RSRP1: variants seen among roughly 807,000 people sequenced by gnomAD.
The protein encoded by RSRP1 is arginine and serine rich protein 1, also known as arginine/serine-rich protein 1.
In RSRP1, 37 loss-of-function variants were observed where a neutral mutation model predicts 33.0. The observed-to-expected ratio is 1.12, with a 90% CI of 0.86 to 1.48. The LOEUF (loss-of-function observed/expected upper bound fraction) is 1.48, where lower values mean the gene tolerates loss of function less well. Ranked by LOEUF, RSRP1 falls within the 40% of genes most tolerant of loss-of-function variation. The probability of loss-of-function intolerance (pLI) is 0.00; values close to 1 mark genes in which losing one functional copy is unlikely to be tolerated. For missense variants in RSRP1, 402 were observed against 385.3 expected, an observed-to-expected ratio of 1.04 and a Z score of -0.36; for synonymous variants, 167 against 158.7, an observed-to-expected ratio of 1.05 and a Z score of -0.40.
rs148991516 is a variant in RSRP1 at position 25,314,047 on chromosome 1, A to G, written c.-67+23931T>C. On this transcript the variant is annotated intron_variant, in intron 1 of 1. Coordinates refer to the RSRP1 transcript ENST00000561867. Reference sequence around the variant, plus strand: ...ATATTCTAGTATTGCTCCTATGAACATTCTAGCACTTTTATTTTTGGAGCA... The same window carrying G: ...ATATTCTAGTATTGCTCCTATGAACGTTCTAGCACTTTTATTTTTGGAGCA... Among the ~76,000 whole-genome samples the G allele has an allele frequency of 2.0e-3, 264 of 133,184 alleles. 56 individuals are homozygous for G. In the Middle Eastern group the frequency reaches 0.024, roughly 12 times the overall value. 87.4% of individuals were successfully genotyped at this position (133,184 alleles called of 152,430 possible).
chr1:25,242,498 T>C lies in RSRP1; in HGVS notation c.*91A>G, dbSNP rs1557478611. ...TGGTTTTTAAATGCACAAGTACCCCTGAATGGCTCAAAGGGATGGGATAAT... is the reference window on the plus strand; with the variant it reads ...TGGTTTTTAAATGCACAAGTACCCCCGAATGGCTCAAAGGGATGGGATAAT... On this transcript the variant is annotated 3_prime_UTR_variant, in exon 5 of 5. Transcript: ENST00000243189. 1.3e-6 allele frequency: 1 copy of C among 761,434 alleles called. No individual in the cohort carries two copies. Among genetic ancestry groups the C allele is most frequent in the Non-Finnish European group, 2.2e-6 (1 of 452,096 alleles). 47.2% of individuals were successfully genotyped at this position (761,434 alleles called of 1,614,324 possible). A position where few individuals can be genotyped will look rare whatever the true frequency, so the allele number is the denominator to read the frequency against.
chr1:25,299,610 G>A (rs1242135876), intron 1 of RSRP1, among the ~76,000 whole-genome samples: 2 of 128,826 alleles, frequency 1.6e-5, no homozygotes, highest in Admixed American at 1.5e-4. Flanking sequence ...AAGTGGAGGA[G>A]GGCAATAGGA....
At chr1:25,272,623 C>T (rs1220075618) in intron 1 of RSRP1, 4 of 1,577,200 alleles carry the variant, frequency 2.5e-6, no homozygotes, top group Non-Finnish European at 3.5e-6. Flanking sequence ...AGCTCTCATT[C>T]TCCTCTTCTA....
chr1:25,244,366 G>A (rs1639169257), intron 3 of RSRP1: 3 of 1,288,966 alleles, frequency 2.3e-6, no homozygotes, highest in South Asian at 2.5e-5. Flanking sequence ...GCATGCACAT[G>A]GATCTACCAA....
intron 1 of RSRP1, among the ~76,000 whole-genome samples, chr1:25,298,877 G>C (rs1271559493): frequency 7.8e-6 from 1 of 128,684 alleles, no homozygotes; most frequent in Middle Eastern, 4.1e-3. Context: ...CGAAAAGTTG[G>C]GGAGAGAGGA....
chr1:25,260,570 T>C (rs146466432), intron 1 of RSRP1, among the ~76,000 whole-genome samples: 1,824 of 152,280 alleles, frequency 0.012, 35 homozygotes, highest in African/African-American at 0.042. Context: ...AATCCTTAAG[T>C]GTTGTATTAG....
rs1640442311 is a variant in RSRP1 at position 25,269,913 on chromosome 1, T to C, written c.-66-22884A>G. Among the ~76,000 whole-genome samples, 2 of 132,208 alleles carry C rather than the reference T, an allele frequency of 1.5e-5. 1 individual carries two copies. The highest frequency in any genetic ancestry group is 5.2e-5 in the African/African-American group (2 of 38,634). The allele number at this position is 132,208 out of a possible 152,430, so 86.7% of individuals were successfully genotyped here. A position where few individuals can be genotyped will look rare whatever the true frequency, so the allele number is the denominator to read the frequency against. ...GGAACCAACCACCACCCACGCCGTT[T>C]GCCAGCTGGTAAACATGCCCATCAG... On this transcript the variant is annotated intron_variant, in intron 1 of 1. Coordinates refer to the RSRP1 transcript ENST00000561867.
At position 25,330,774 on chromosome 1, in the gene RSRP1, T is replaced by A. The variant is rs1376226230; in HGVS notation, c.-67+7204A>T. Among the ~76,000 whole-genome samples the A allele has an allele frequency of 1.1e-4, 14 of 130,302 alleles. 2 individuals carry two copies. Among genetic ancestry groups the A allele is most frequent in the African/African-American group, 1.8e-4 (7 of 38,292 alleles). 85.5% of individuals were successfully genotyped at this position (130,302 alleles called of 152,430 possible). On this transcript the variant is annotated intron_variant, in intron 1 of 1. Coordinates refer to the RSRP1 transcript ENST00000561867. Reference sequence around the variant, plus strand: ...CATAACAGCAGCTTAAACTGTTGTTTAGCCACTCAGACTTAAACAACAGAA... The same window carrying A: ...CATAACAGCAGCTTAAACTGTTGTTAAGCCACTCAGACTTAAACAACAGAA...
chr1:25,334,824 TG>T (rs1645059460), intron 1 of RSRP1, among the ~76,000 whole-genome samples: 1 of 131,810 alleles, frequency 7.6e-6, no homozygotes, highest in Non-Finnish European at 1.8e-5. Flanking sequence ...TGGTTGGGAG[TG>T]GCTGGGATGC....
chr1:25,280,506 A>G lies in RSRP1; in HGVS notation c.-66-33477T>C, dbSNP rs1319340831. 1.3e-4 allele frequency among the ~76,000 whole-genome samples: 17 copies of G among 126,240 alleles called. 2 individuals are homozygous for G. Among genetic ancestry groups the G allele is most frequent in the African/African-American group, 4.3e-4 (16 of 36,918 alleles). 82.8% of individuals were successfully genotyped at this position (126,240 alleles called of 152,430 possible). On this transcript the variant is annotated intron_variant, in intron 1 of 1. Coordinates refer to the RSRP1 transcript ENST00000561867. ...TTTTTAGTAGAGACGGGGTTTCACC[A>G]TGTTGGCCAGGCTGGTCTCAAACTC...
chr1:25,244,258 T>C (rs1639157220), intron 3 of RSRP1: 6 of 1,289,214 alleles, frequency 4.7e-6, no homozygotes, highest in Non-Finnish European at 5.1e-6. Context: ...GAAAGGGACA[T>C]CTTTTTCACA....
At chr1:25,246,301 T>C in intron 2 of RSRP1, 143 bp downstream of exon 2, 1 of 1,303,216 alleles carries the variant, frequency 7.7e-7, no homozygotes, top group Non-Finnish European at 1.1e-6. Context: ...TAAATACAGG[T>C]AATGTCCTCC....
Position 25,290,420 on chromosome 1 carries a change from C to T in RSRP1, c.-66-43391G>A, listed in dbSNP as rs557870623. 2.4e-5 allele frequency among the ~76,000 whole-genome samples: 3 copies of T among 127,210 alleles called. 1 individual carries two copies. In the East Asian group the frequency reaches 5.9e-4, roughly 25 times the overall value. The allele number at this position is 127,210 out of a possible 152,430, so 83.5% of individuals were successfully genotyped here. ...AGTGGTTAAGTCATCTGCCAGACCACATGGCTCAGGGTGCAGAGGCCACCT... is the reference window on the plus strand; with the variant it reads ...AGTGGTTAAGTCATCTGCCAGACCATATGGCTCAGGGTGCAGAGGCCACCT... On this transcript the variant is annotated intron_variant, in intron 1 of 1. Transcript: ENST00000561867.
rs374185911 is a variant in RSRP1 at position 25,303,621 on chromosome 1, G to C, written c.-67+34357C>G. On this transcript the variant is annotated intron_variant, in intron 1 of 1. Coordinates refer to the RSRP1 transcript ENST00000561867. Reference sequence around the variant, plus strand: ...GAGGGATCCATCCTGGCTCGGTGGCGCATTTGTTAAGATGCTCGGGAGCAG... The same window carrying C: ...GAGGGATCCATCCTGGCTCGGTGGCCCATTTGTTAAGATGCTCGGGAGCAG... 2.3e-5 allele frequency among the ~76,000 whole-genome samples: 3 copies of C among 130,802 alleles called. 1 individual carries two copies. The highest frequency in any genetic ancestry group is 7.9e-5 in the African/African-American group (3 of 37,994). 85.8% of individuals were successfully genotyped at this position (130,802 alleles called of 152,430 possible).
chr1:25,312,938 A>AAAAAAAAAAAC (rs1644234824), intron 1 of RSRP1, among the ~76,000 whole-genome samples: 1 of 107,268 alleles, frequency 9.3e-6, no homozygotes, highest in Non-Finnish European at 2.3e-5. Flanking sequence ...AAAAAAAAAA[A>AAAAAAAAAAAC]AAAAAAAAAA....
intron 1 of RSRP1, chr1:25,336,426 G>A (rs1645075780): frequency 6.9e-6 from 1 of 145,100 alleles, no homozygotes; most frequent in Non-Finnish European, 1.5e-5. Flanking sequence ...TAATATGGGT[G>A]GCTGGCTTTT....
At chr1:25,288,548 C>T (rs1411300672) in intron 1 of RSRP1, among the ~76,000 whole-genome samples, 1 of 125,914 alleles carries the variant, frequency 7.9e-6, no homozygotes, top group Non-Finnish European at 1.9e-5. Context: ...ATAGCAATAA[C>T]CAACTCCTTT....
At chr1:25,247,151 AG>A in intron 1 of RSRP1, 122 bp from the exon 2 acceptor site, 2 of 615,644 alleles carry the variant, frequency 3.2e-6, no homozygotes, top group Non-Finnish European at 5.3e-6. Flanking sequence ...CCGCCGCGAC[AG>A]GAACCGAGCC....
upstream of RSRP1, among the ~76,000 whole-genome samples, chr1:25,250,027 A>C (rs1249816327): frequency 6.6e-6 from 1 of 152,212 alleles, no homozygotes; most frequent in Admixed American, 6.5e-5. Flanking sequence ...AGCGCTCAAA[A>C]TTCTCTCGGC....
Sources: allele counts gnomAD v4.1 joint callset (sites outside exome capture counted in the v4.1 genomes callset), GRCh38; gene constraint gnomAD v4.1.1; transcripts MANE v1.5; gene names NCBI Gene and HGNC (gene_info 2026-07-23, HGNC 2026-07-21).